SHISAL1: variants seen among roughly 807,000 people sequenced by gnomAD.
SHISAL1 encodes protein shisa-like-1.
A neutral mutation model predicts 22.6 loss-of-function variants in SHISAL1; 9 were observed. The ratio of observed to expected loss-of-function variants is 0.40; its 90% confidence interval spans 0.24 to 0.70. The LOEUF is 0.70. Among genes scored for constraint, SHISAL1 ranks in the 30% least tolerant of loss-of-function variants. The pLI is 0.39. For missense variants in SHISAL1, 246 were observed against 270.6 expected (o/e 0.91, Z 0.64); for synonymous variants, 119 against 115.4 (o/e 1.03, Z -0.20).
the SHISAL1 span, among the ~76,000 whole-genome samples, chr22:44,326,350 T>C: frequency 6.6e-6 from 1 of 152,122 alleles, no homozygotes; most frequent in African/African-American, 2.4e-5. Context: ...GAGACAAACT[T>C]TCCCAGTCCA....
chr22:44,282,758 TC>T (rs1432453355), intron 4 of SHISAL1, among the ~76,000 whole-genome samples: 2 of 152,164 alleles, frequency 1.3e-5, no homozygotes, highest in African/African-American at 4.8e-5. Flanking sequence ...CAGAAGCCTT[TC>T]CAGGGGCTGA....
intron 4 of SHISAL1, among the ~76,000 whole-genome samples, chr22:44,279,005 G>A (rs2055258898): frequency 6.6e-6 from 1 of 152,152 alleles, no homozygotes; most frequent in African/African-American, 2.4e-5. Flanking sequence ...GTCCAGGGCA[G>A]GCACTGAGAC....
At chr22:44,300,126 G>GACAGAGAGAC (rs1160578175) in intron 2 of SHISAL1, among the ~76,000 whole-genome samples, 1 of 150,336 alleles carries the variant, frequency 6.7e-6, no homozygotes, top group African/African-American at 2.5e-5. Flanking sequence ...GACAGAGACA[G>GACAGAGAGAC]AGAGACAGAG....
intron 3 of SHISAL1, among the ~76,000 whole-genome samples, chr22:44,295,421 T>A (rs991492242): frequency 6.6e-6 from 1 of 151,610 alleles, no homozygotes; most frequent in Non-Finnish European, 1.5e-5. Context: ...GACAAAATAT[T>A]AAAACGTAAA....
the SHISAL1 span, among the ~76,000 whole-genome samples, chr22:44,318,514 G>A: frequency 6.6e-6 from 1 of 152,350 alleles, no homozygotes; most frequent in Admixed American, 6.5e-5. Flanking sequence ...GTGCAGGCTG[G>A]CCTGGGGGAG....
At chr22:44,252,061 G>C (rs2055051574) in intron 4 of SHISAL1, among the ~76,000 whole-genome samples, 3 of 152,154 alleles carry the variant, frequency 2.0e-5, no homozygotes, top group Non-Finnish European at 4.4e-5. Context: ...TGTAACTGTA[G>C]GACTATTGCA....
At chr22:44,323,077 T>C in the SHISAL1 span, among the ~76,000 whole-genome samples, 1 of 117,326 alleles carries the variant, frequency 8.5e-6, no homozygotes. Context: ...CACCCACCCA[T>C]CCACCCATCC....
rs1482912803 is a variant in SHISAL1 at position 44,244,396 on chromosome 22, C to T, written c.*5289G>A. 2 of 152,174 alleles carry T rather than the reference C, an allele frequency of 1.3e-5. No individual in the cohort carries two copies. The highest frequency in any genetic ancestry group is 2.1e-4 in the South Asian group (1 of 4,830). The allele number at this position is 152,174 out of a possible 1,614,324, so 9.4% of individuals were successfully genotyped here. On this transcript the variant is annotated 3_prime_UTR_variant, in exon 5 of 5. Transcript: ENST00000381176. ...CCCATTACCATTTATGGGACAGTGTCGTGAATGGTGCCTCCTGGAGGTGAA... is the reference window on the plus strand; with the variant it reads ...CCCATTACCATTTATGGGACAGTGTTGTGAATGGTGCCTCCTGGAGGTGAA...
At chr22:44,275,763 G>C (rs376555686) in intron 4 of SHISAL1, among the ~76,000 whole-genome samples, 1 of 152,160 alleles carries the variant, frequency 6.6e-6, no homozygotes, top group African/African-American at 2.4e-5. Context: ...AATGAGGCTC[G>C]GGATGGCCAA....
intron 4 of SHISAL1, among the ~76,000 whole-genome samples, chr22:44,250,076 A>C (rs2055036872): frequency 6.6e-6 from 1 of 152,204 alleles, no homozygotes; most frequent in Non-Finnish European, 1.5e-5. Context: ...CAATTTATAA[A>C]ATGCAACAGT....
intron 1 of SHISAL1, among the ~76,000 whole-genome samples, chr22:44,307,417 G>A (rs1419977315): frequency 6.6e-6 from 1 of 152,182 alleles, no homozygotes; most frequent in African/African-American, 2.4e-5. Context: ...CAGCAGCAAA[G>A]CTCACTCTAC....
chr22:44,325,407 C>T, the SHISAL1 span, among the ~76,000 whole-genome samples: 1 of 152,288 alleles, frequency 6.6e-6, no homozygotes, highest in East Asian at 1.9e-4. Context: ...AGCTGGCAGC[C>T]CCAGCATGGG....
the SHISAL1 span, among the ~76,000 whole-genome samples, chr22:44,327,786 C>T: frequency 1.3e-5 from 2 of 152,144 alleles, no homozygotes; most frequent in East Asian, 1.9e-4. Context: ...CCTGGTGTCC[C>T]CAGGAGGGCA....
chr22:44,317,178 ACT>A (rs959065285), upstream of SHISAL1, among the ~76,000 whole-genome samples: 1 of 151,296 alleles, frequency 6.6e-6, no homozygotes, highest in African/African-American at 2.4e-5. Context: ...TCCCACCCAC[ACT>A]CTGTGTAATT....
At chr22:44,308,721 G>A (rs948124397) in intron 1 of SHISAL1, among the ~76,000 whole-genome samples, 1 of 152,304 alleles carries the variant, frequency 6.6e-6, no homozygotes, top group Non-Finnish European at 1.5e-5. Context: ...CAGCGTGCCT[G>A]GTTTGTGTCC....
chr22:44,245,109 T>G lies in SHISAL1; in HGVS notation c.*4576A>C, dbSNP rs1429038985. On this transcript the variant is annotated 3_prime_UTR_variant, in exon 5 of 5. Transcript: ENST00000381176. ...GGCCTCTCTGACTGTCCCAGTGCTG[T>G]GGGGGCCAAGCAGACACCCTCTGAT... 6.6e-6 allele frequency: 1 copy of G among 152,244 alleles called. No homozygotes were observed. Among genetic ancestry groups the G allele is most frequent in the African/African-American group, 2.4e-5 (1 of 41,456 alleles). The allele number at this position is 152,244 out of a possible 1,614,324, so 9.4% of individuals were successfully genotyped here.
intron 4 of SHISAL1, among the ~76,000 whole-genome samples, chr22:44,268,377 T>A (rs1212210932): frequency 6.6e-6 from 1 of 152,210 alleles, no homozygotes; most frequent in Non-Finnish European, 1.5e-5. Context: ...TTGCCCCTGG[T>A]CAGCACCTCC....
intron 4 of SHISAL1, among the ~76,000 whole-genome samples, chr22:44,265,772 T>G (rs1349576578): frequency 6.6e-6 from 1 of 152,220 alleles, no homozygotes; most frequent in Non-Finnish European, 1.5e-5. Context: ...GGAATGAGCC[T>G]CTGACCTCAG....
In SHISAL1 at chr22:44,262,046, G is replaced by A. The variant is rs574008307; in HGVS notation, c.*-12361C>T. 9.8e-5 allele frequency among the ~76,000 whole-genome samples: 15 copies of A among 152,360 alleles called. No homozygotes were observed. In the East Asian group the frequency reaches 2.9e-3, roughly 29 times the overall value. On this transcript the variant is annotated intron_variant, in intron 4 of 4. Transcript: ENST00000381176. ...CCCTGCCCTTGAGGGCTCGAAGCGG[G>A]TAGGGGAGCCACACCAGGACCCTGA...
Sources: gnomAD v4.1 joint callset for allele counts (sites outside exome capture counted in the v4.1 genomes callset) on GRCh38, gnomAD v4.1.1 for gene constraint, MANE v1.5 for transcripts, NCBI Gene and HGNC (gene_info 2026-07-23, HGNC 2026-07-21) for gene names.